The following EVC variants were observed in gnomAD, a reference collection of about 807,000 sequenced individuals.
EVC encodes evC complex member EVC.
EVC carries 116 observed loss-of-function variants against 118.9 expected under a neutral mutation model. That is an observed-to-expected ratio of 0.98 (90% confidence interval 0.84 to 1.14). EVC has a LOEUF of 1.14. EVC is among the 50% of genes most tolerant of loss of function. The pLI is 0.00. For synonymous variants in EVC, 619 were observed against 534.7 expected (o/e 1.16, Z -2.18); for missense variants, 1,401 against 1,246.4 (o/e 1.12, Z -1.87).
At chr4:5,790,208 T>C (rs1361213711) in intron 12 of EVC, among the ~76,000 whole-genome samples, 1 of 132,212 alleles carries the variant, frequency 7.6e-6, no homozygotes, top group Non-Finnish European at 1.7e-5. Context: ...CAACGATGAC[T>C]GTGCAGAATT....
intron 17 of EVC, among the ~76,000 whole-genome samples, chr4:5,807,950 G>A (rs962555234): frequency 2.6e-5 from 4 of 152,150 alleles, no homozygotes; most frequent in Admixed American, 1.3e-4. Flanking sequence ...AAGCTCCTCC[G>A]AAGATCACAT....
intron 11 of EVC, among the ~76,000 whole-genome samples, chr4:5,767,802 G>C (rs919353087): frequency 6.6e-6 from 1 of 152,140 alleles, no homozygotes; most frequent in Non-Finnish European, 1.5e-5. Context: ...CCCACTGTCT[G>C]GCACTCCCTA....
chr4:5,785,922 C>G (rs763345816), intron 12 of EVC, among the ~76,000 whole-genome samples: 2 of 152,202 alleles, frequency 1.3e-5, no homozygotes, highest in Admixed American at 6.5e-5. Context: ...ACCTGGGCCT[C>G]AGTGTCTCAG....
rs1029833383 is a variant in EVC at position 5,783,734 on chromosome 4, C to A, written c.1746C>A (p.Leu582=). 7.4e-6 allele frequency: 12 copies of A among 1,613,454 alleles called. No homozygotes were observed. The highest frequency in any genetic ancestry group is 3.3e-5 in the South Asian group (3 of 90,974). Residue 582 remains leucine (L), a synonymous_variant, in exon 12 of 21, where the codon CTC becomes CTA. Coordinates refer to ENST00000264956, the MANE Select transcript of EVC (RefSeq NM_153717.3). The part of the protein sequence containing the change: ...SNRFRRQQWK[L]FQELLEQDQQ... ...GCTTCCGGAGGCAGCAGTGGAAACT[C>A]TTCCAGGAGCTCCTAGAGCAAGACC...
At chr4:5,828,036 A>T in the EVC span, 1 of 985,390 alleles carries the variant, frequency 1.0e-6, no homozygotes, top group Non-Finnish European at 1.2e-6. Context: ...ATCTGAAGGA[A>T]GCCCTGCCTG....
downstream of EVC, among the ~76,000 whole-genome samples, chr4:5,816,307 C>CA (rs903592683): frequency 6.6e-6 from 1 of 152,168 alleles, no homozygotes; most frequent in African/African-American, 2.4e-5. Flanking sequence ...GGGTCCCCAA[C>CA]GGCAAGGAGC....
intron 11 of EVC, among the ~76,000 whole-genome samples, chr4:5,770,387 A>C (rs549712296): frequency 6.6e-6 from 1 of 152,252 alleles, no homozygotes; most frequent in East Asian, 1.9e-4. Context: ...AGTCAGACCA[A>C]ACATTCCAGG....
chr4:5,786,395 C>G (rs745609555), intron 12 of EVC, among the ~76,000 whole-genome samples: 1 of 152,120 alleles, frequency 6.6e-6, no homozygotes, highest in Non-Finnish European at 1.5e-5. Flanking sequence ...TATTTGTTTA[C>G]TTTGTGAGCA....
chr4:5,795,974 G>A (rs1713882259), intron 13 of EVC, among the ~76,000 whole-genome samples: 1 of 150,914 alleles, frequency 6.6e-6, no homozygotes, highest in Non-Finnish European at 1.5e-5. Context: ...TATCCCATAT[G>A]TCTCTTACAT....
At chr4:5,724,685 G>T (rs1725519018) in intron 2 of EVC, among the ~76,000 whole-genome samples, 1 of 139,756 alleles carries the variant, frequency 7.2e-6, no homozygotes, top group Non-Finnish European at 1.5e-5. Context: ...GCGTACGTTG[G>T]TGGTTTTCCC....
chr4:5,759,855 G>C (rs148329500), intron 11 of EVC, among the ~76,000 whole-genome samples: 1 of 152,206 alleles, frequency 6.6e-6, no homozygotes, highest in Admixed American at 6.5e-5. Context: ...CTGACGACAC[G>C]CGCCCAAGGG....
chr4:5,800,485 GA>G (rs796920302), intron 15 of EVC, among the ~76,000 whole-genome samples: 5 of 152,186 alleles, frequency 3.3e-5, no homozygotes, highest in African/African-American at 4.8e-5. Flanking sequence ...AGACTGGCCA[GA>G]AAAAAACTGA....
In EVC at chr4:5,755,368, G is replaced by T. The variant is rs1486792764; in HGVS notation, c.1465-896G>T. On this transcript the variant is annotated intron_variant, in intron 10 of 20. Transcript: ENST00000264956. The surrounding 1 kb of genome is among the most constrained non-coding windows in gnomAD (Gnocchi z 4.1). ...ACGTGGGACGCAGGCAGGGAAGGGT[G>T]AATGAGCGCATGCGTGCCTGAATGA... 6.6e-6 allele frequency among the ~76,000 whole-genome samples: 1 copy of T among 152,136 alleles called. No individual in the cohort carries two copies. Among genetic ancestry groups the T allele is most frequent in the Non-Finnish European group, 1.5e-5 (1 of 68,024 alleles).
At position 5,811,247 on chromosome 4, in the gene EVC, C is replaced by T; in HGVS notation, c.*210C>T. Reference sequence around the variant, plus strand: ...ATTAGGCATTCCCGTCTTGGAAACACGTCTCTGTGAGTTTGCATTTCATTT... The same window carrying T: ...ATTAGGCATTCCCGTCTTGGAAACATGTCTCTGTGAGTTTGCATTTCATTT... On this transcript the variant is annotated 3_prime_UTR_variant, in exon 21 of 21. Transcript: ENST00000264956. The T allele has an allele frequency of 3.6e-6, 2 of 548,072 alleles. No homozygotes were observed. The highest frequency in any genetic ancestry group is 2.0e-5 in the South Asian group (1 of 49,654). 34.0% of individuals were successfully genotyped at this position (548,072 alleles called of 1,614,324 possible). A position where few individuals can be genotyped will look rare whatever the true frequency, so the allele number is the denominator to read the frequency against.
intron 11 of EVC, chr4:5,758,442 A>G (rs1230360633): frequency 7.9e-6 from 2 of 254,718 alleles, no homozygotes; most frequent in Non-Finnish European, 1.5e-5. Flanking sequence ...TTCATGAGGA[A>G]GACACTGCAT....
chr4:5,763,360 C>T (rs1732367817), intron 11 of EVC, among the ~76,000 whole-genome samples: 1 of 147,076 alleles, frequency 6.8e-6, no homozygotes, highest in South Asian at 2.2e-4. Flanking sequence ...GTTCTTTTGG[C>T]TTAGGATTGA....
intron 16 of EVC, among the ~76,000 whole-genome samples, chr4:5,803,007 G>A (rs1160332546): frequency 6.6e-6 from 1 of 152,314 alleles, no homozygotes; most frequent in East Asian, 1.9e-4. Context: ...AGCCACCGCA[G>A]TGACCATGAG....
chr4:5,735,265 G>A (rs1727481658), intron 5 of EVC, among the ~76,000 whole-genome samples: 1 of 152,234 alleles, frequency 6.6e-6, no homozygotes, highest in Non-Finnish European at 1.5e-5. Flanking sequence ...CTGAGGGAAT[G>A]CAGAGCTGGG....
chr4:5,720,104 G>A (rs1244025527), intron 2 of EVC, among the ~76,000 whole-genome samples: 1 of 152,140 alleles, frequency 6.6e-6, no homozygotes, highest in Non-Finnish European at 1.5e-5. Flanking sequence ...CTTTCTGGGT[G>A]AGCCCCGTGG....
Sources: gnomAD v4.1 joint callset for allele counts (sites outside exome capture counted in the v4.1 genomes callset) on GRCh38, gnomAD v4.1.1 for gene constraint, Gnocchi (gnomAD v3.1) non-coding constraint, MANE v1.5 for transcripts, NCBI Gene and HGNC (gene_info 2026-07-23, HGNC 2026-07-21) for gene names.